ARPC1A: variants seen among roughly 807,000 people sequenced by gnomAD.
ARPC1A encodes actin-related protein 2/3 complex subunit 1A.
ARPC1A carries 8 observed loss-of-function variants against 46.9 expected under a neutral mutation model. That is an observed-to-expected ratio of 0.17 (90% confidence interval 0.10 to 0.31). ARPC1A has a LOEUF of 0.31. Ranked by LOEUF, ARPC1A falls within the 10% of genes least tolerant of loss-of-function variation. The pLI is 1.00. For missense variants in ARPC1A, 286 were observed against 483.6 expected (o/e 0.59, Z 3.83); for synonymous variants, 152 against 169.0 (o/e 0.90, Z 0.78).
At chr7:99,350,663 TGAGACAAGG>T (rs1793531697) in intron 5 of ARPC1A, among the ~76,000 whole-genome samples, 1 of 132,172 alleles carries the variant, frequency 7.6e-6, no homozygotes, top group Non-Finnish European at 1.5e-5. Flanking sequence ...TTTTTTTTTT[TGAGACAAGG>T]TCTTGCTCTG....
chr7:99,366,255 G>A lies in ARPC1A; in HGVS notation c.*326G>A, dbSNP rs1793839115. 3.7e-6 allele frequency: 1 copy of A among 273,408 alleles called. No homozygotes were observed. The highest frequency in any genetic ancestry group is 7.0e-6 in the Non-Finnish European group (1 of 143,726). 16.9% of individuals were successfully genotyped at this position (273,408 alleles called of 1,614,324 possible). A position where few individuals can be genotyped will look rare whatever the true frequency, so the allele number is the denominator to read the frequency against. On this transcript the variant is annotated 3_prime_UTR_variant, in exon 10 of 10. Transcript: ENST00000262942. ...CACTAGAAAATTAAATAAAAGAACT[G>A]AATGTGGTTTTGGTTTTGTTTCCTT...
At position 99,344,920 on chromosome 7, in the gene ARPC1A, C is replaced by CTTTTTTTTTTTTTTTT. The variant is rs1172071932; in HGVS notation, c.392+419_392+434dup. 1.0e-3 allele frequency among the ~76,000 whole-genome samples: 20 copies of CTTTTTTTTTTTTTTTT among 20,098 alleles called. 7 individuals are homozygous for CTTTTTTTTTTTTTTTT. Among genetic ancestry groups the CTTTTTTTTTTTTTTTT allele is most frequent in the African/African-American group, 4.2e-3 (19 of 4,566 alleles). The allele number at this position is 20,098 out of a possible 152,430, so 13.2% of individuals were successfully genotyped here. On this transcript the variant is annotated intron_variant, in intron 4 of 9. Coordinates refer to ENST00000262942, the MANE Select transcript of ARPC1A (RefSeq NM_006409.4). ...TAGGATTCCTACAGATAACAATGTTCTTTTTTTTTTTTTTTTTTTTTTTTT... is the reference window on the plus strand; with the variant it reads ...TAGGATTCCTACAGATAACAATGTTCTTTTTTTTTTTTTTTTTTTTTTTTTTTTTTTTTTTTTTTTT...
In ARPC1A at chr7:99,352,549, G is replaced by A. The variant is rs530639569; in HGVS notation, c.501-1360G>A. On this transcript the variant is annotated intron_variant, in intron 5 of 9. Transcript: ENST00000262942. ...TACGAACTTGTAGTCCCAGCTACTCGAGAGGCTGAGGCAGGAGGATCACTT... is the reference window on the plus strand; with the variant it reads ...TACGAACTTGTAGTCCCAGCTACTCAAGAGGCTGAGGCAGGAGGATCACTT... Among the ~76,000 whole-genome samples the A allele has an allele frequency of 7.2e-5, 11 of 151,788 alleles. No homozygotes were observed. In the South Asian group the frequency reaches 2.1e-3, roughly 29 times the overall value.
At chr7:99,335,299 T>C (rs1793224909) in intron 2 of ARPC1A, among the ~76,000 whole-genome samples, 1 of 152,160 alleles carries the variant, frequency 6.6e-6, no homozygotes, top group Non-Finnish European at 1.5e-5. Context: ...CCGGCCAAGA[T>C]AATCGAGTTT....
At chr7:99,360,990 T>C (rs2150874978) in intron 8 of ARPC1A, among the ~76,000 whole-genome samples, 1 of 150,972 alleles carries the variant, frequency 6.6e-6, no homozygotes, top group African/African-American at 2.4e-5. Flanking sequence ...ATGCTTGATA[T>C]TCTAAATTAC....
intron 8 of ARPC1A, among the ~76,000 whole-genome samples, chr7:99,361,722 CT>C (rs1202171774): frequency 6.6e-6 from 1 of 152,166 alleles, no homozygotes; most frequent in Non-Finnish European, 1.5e-5. Flanking sequence ...GATTAGTCTA[CT>C]TTTATTTGCA....
At chr7:99,340,939 A>G (rs1793347408) in intron 3 of ARPC1A, among the ~76,000 whole-genome samples, 1 of 152,154 alleles carries the variant, frequency 6.6e-6, no homozygotes, top group Non-Finnish European at 1.5e-5. Flanking sequence ...TCTTATTTCT[A>G]TTAGGTTTGG....
intron 5 of ARPC1A, among the ~76,000 whole-genome samples, chr7:99,351,829 C>T (rs1002174960): frequency 3.9e-5 from 6 of 152,096 alleles, no homozygotes; most frequent in Non-Finnish European, 8.8e-5. Flanking sequence ...CATTGGAGGG[C>T]GAAAGGGCCC....
At chr7:99,336,365 T>A (rs1295649722) in intron 2 of ARPC1A, among the ~76,000 whole-genome samples, 1 of 152,148 alleles carries the variant, frequency 6.6e-6, no homozygotes, top group African/African-American at 2.4e-5. Flanking sequence ...GATATTTACC[T>A]AGTTCCACAG....
At chr7:99,331,689 A>T (rs2150857951) in intron 1 of ARPC1A, among the ~76,000 whole-genome samples, 1 of 152,118 alleles carries the variant, frequency 6.6e-6, no homozygotes, top group African/African-American at 2.4e-5. Flanking sequence ...GAGGCTGAGG[A>T]GGGCGGGTCA....
At chr7:99,365,084 C>T (rs1793811256) in intron 9 of ARPC1A, among the ~76,000 whole-genome samples, 1 of 152,186 alleles carries the variant, frequency 6.6e-6, no homozygotes, top group Non-Finnish European at 1.5e-5. Context: ...CCCTGGGCTT[C>T]AGAGAGCGCA....
In ARPC1A at chr7:99,349,560, C is replaced by T. The variant is rs144138871; in HGVS notation, c.500+601C>T. Among the ~76,000 whole-genome samples the T allele has an allele frequency of 5.4e-3, 825 of 151,870 alleles. 8 individuals are homozygous for T. The highest frequency in any genetic ancestry group is 4.9e-3 in the Non-Finnish European group (335 of 67,936). On this transcript the variant is annotated intron_variant, in intron 5 of 9. Transcript: ENST00000262942. ...TGTCTACTAAAAATACAAAAGAGGC[C>T]GGGCGCAGTAGCTCACGCCCGTAAT...
At position 99,363,612 on chromosome 7, in the gene ARPC1A, C is replaced by T. The variant is rs1319902672; in HGVS notation, c.1053C>T (p.Ala351=). The T allele has an allele frequency of 1.2e-6, 2 of 1,610,158 alleles. No individual in the cohort carries two copies. The highest frequency in any genetic ancestry group is 1.3e-5 in the African/African-American group (1 of 74,584). ...RKFCTTGIDG[A]MTIWDFKTLE... ...TTTGCACTACTGGCATCGATGGAGCCATGACAATTTGGGATTTCAAGGTAT... is the reference window on the plus strand; with the variant it reads ...TTTGCACTACTGGCATCGATGGAGCTATGACAATTTGGGATTTCAAGGTAT... The change falls in exon 9 of 10, where the codon GCC becomes GCT. Residue 351 remains alanine, a synonymous_variant. Transcript: ENST00000262942.
intron 1 of ARPC1A, among the ~76,000 whole-genome samples, chr7:99,326,317 C>A (rs1793047007): frequency 6.6e-6 from 1 of 152,200 alleles, no homozygotes; most frequent in Non-Finnish European, 1.5e-5. Context: ...AAAATTGTGT[C>A]AAGTAGGAGG....
In ARPC1A at chr7:99,353,898, C is replaced by T. The variant is rs1382917285; in HGVS notation, c.501-11C>T. On this transcript the variant is annotated splice_polypyrimidine_tract_variant and intron_variant, in intron 5 of 9. Coordinates refer to ENST00000262942, the MANE Select transcript of ARPC1A (RefSeq NM_006409.4). Reference sequence around the variant, plus strand: ...ATTTGCTTTTTCCTTTTCTCTCTGCCCTTTAAACAGAGTGTTTTCTGCCTA... The same window carrying T: ...ATTTGCTTTTTCCTTTTCTCTCTGCTCTTTAAACAGAGTGTTTTCTGCCTA... 6.2e-7 allele frequency: 1 copy of T among 1,612,716 alleles called. No homozygotes were observed. The highest frequency in any genetic ancestry group is 1.3e-5 in the African/African-American group (1 of 74,840).
At chr7:99,330,882 A>G (rs1420483918) in intron 1 of ARPC1A, among the ~76,000 whole-genome samples, 1 of 152,210 alleles carries the variant, frequency 6.6e-6, no homozygotes, top group Non-Finnish European at 1.5e-5. Flanking sequence ...CTGCTTTTTG[A>G]AAAATGTTCC....
intron 7 of ARPC1A, 118 bp downstream of exon 7, chr7:99,358,533 TCAC>T: frequency 3.7e-6 from 2 of 545,678 alleles, no homozygotes; most frequent in Non-Finnish European, 6.0e-6. Context: ...GAAACAGAGC[TCAC>T]TTTTTTTTTT....
At chr7:99,326,564 T>A (rs556604577) in intron 1 of ARPC1A, among the ~76,000 whole-genome samples, 1 of 152,350 alleles carries the variant, frequency 6.6e-6, no homozygotes, top group South Asian at 2.1e-4. Flanking sequence ...TCGGCGCTCT[T>A]ATTCATTTAG....
intron 6 of ARPC1A, among the ~76,000 whole-genome samples, chr7:99,356,673 G>A (rs1259968168): frequency 2.0e-5 from 3 of 151,536 alleles, no homozygotes; most frequent in Admixed American, 6.6e-5. Context: ...AGGCCGAGGC[G>A]GGCGGATCAC....
Sources: gnomAD v4.1 joint callset for allele counts (sites outside exome capture counted in the v4.1 genomes callset) on GRCh38, gnomAD v4.1.1 for gene constraint, MANE v1.5 for transcripts, NCBI Gene and HGNC (gene_info 2026-07-23, HGNC 2026-07-21) for gene names.